The following RNF8 variants were observed in gnomAD, a reference collection of about 807,000 sequenced individuals.
RNF8 encodes the protein ring finger protein 8, also known as E3 ubiquitin-protein ligase RNF8.
In RNF8, 8 loss-of-function variants were observed where a neutral mutation model predicts 59.3. The observed-to-expected ratio is 0.13, with a 90% CI of 0.08 to 0.24. The LOEUF is 0.24. RNF8 is among the 10% of genes least tolerant of loss of function. The pLI is 1.00. For missense variants in RNF8, 406 were observed against 572.6 expected, an observed-to-expected ratio of 0.71 and a Z score of 2.97; for synonymous variants, 162 against 200.0, an observed-to-expected ratio of 0.81 and a Z score of 1.60.
At chr6:37,365,817 C>A (rs1477695533) in intron 2 of RNF8, among the ~76,000 whole-genome samples, 1 of 152,150 alleles carries the variant, frequency 6.6e-6, no homozygotes, top group African/African-American at 2.4e-5. Flanking sequence ...ATTATTTAAG[C>A]CATTGTATTT....
At position 37,368,517 on chromosome 6, in the gene RNF8, C is replaced by G. The variant is rs1769658341; in HGVS notation, c.274C>G (p.Leu92Val). ...TGGTGTTTGGCTGAACAGAGCGCGT[C>G]TGGAACCTTTAAGGGTCTATTCCAT... ...LNGVWLNRAR[L>V]EPLRVYSIHQ... The change falls in exon 3 of 8, where the codon CTG becomes GTG. Residue 92 changes from leucine to valine, a missense_variant. Coordinates refer to ENST00000373479, the MANE Select transcript of RNF8 (RefSeq NM_003958.4). The G allele has an allele frequency of 2.5e-6, 4 of 1,614,150 alleles. No individual in the cohort carries two copies. The highest frequency in any genetic ancestry group is 3.4e-6 in the Non-Finnish European group (4 of 1,180,014).
At chr6:37,379,908 T>A (rs1770182588) in intron 6 of RNF8, among the ~76,000 whole-genome samples, 1 of 152,024 alleles carries the variant, frequency 6.6e-6, no homozygotes, top group South Asian at 2.1e-4. Flanking sequence ...TATTGTTTGT[T>A]TTTGTTTGTT....
chr6:37,385,305 G>A (rs1037095509), intron 7 of RNF8, among the ~76,000 whole-genome samples: 3 of 150,988 alleles, frequency 2.0e-5, no homozygotes, highest in South Asian at 2.1e-4. Context: ...GAGCCACCGC[G>A]CCTGGCTCTT....
At chr6:37,364,143 C>T (rs1769450733) in intron 2 of RNF8, among the ~76,000 whole-genome samples, 1 of 135,024 alleles carries the variant, frequency 7.4e-6, no homozygotes, top group South Asian at 2.3e-4. Flanking sequence ...CAGGCCATTG[C>T]ACTCCAGCCT....
chr6:37,356,234 T>C (rs546773789), intron 1 of RNF8, among the ~76,000 whole-genome samples: 1 of 152,346 alleles, frequency 6.6e-6, no homozygotes, highest in African/African-American at 2.4e-5. Context: ...GACCTGTGTG[T>C]AGGAGAAGCC....
intron 1 of RNF8, among the ~76,000 whole-genome samples, chr6:37,358,582 G>A (rs1428700128): frequency 6.6e-6 from 1 of 152,152 alleles, no homozygotes; most frequent in Non-Finnish European, 1.5e-5. Flanking sequence ...GTTATGGGTT[G>A]AGTAGTTGGT....
rs759475654 is a variant in RNF8 at position 37,360,498 on chromosome 6, G to T, written c.164G>T (p.Cys55Phe). The stretch of plus-strand genomic sequence containing the variant: ...ACATACCAACTGGTATCAAAAATCT[G>T]CCCCCTGATGATTTCTCGAAACCAC... ...GVTYQLVSKI[C>F]PLMISRNHCV... The change falls in exon 2 of 8, where the codon TGC becomes TTC. Residue 55 changes from cysteine to phenylalanine, a missense_variant. Physicochemically the swap from Cys to Phe is radical, Grantham distance 205. Transcript: ENST00000373479. The surrounding 1 kb of genome is among the most constrained non-coding windows in gnomAD (Gnocchi z 4.2). 8 of 1,613,978 alleles carry T rather than the reference G, an allele frequency of 5.0e-6. No homozygotes were observed. Among genetic ancestry groups the T allele is most frequent in the Middle Eastern group, 1.7e-4 (1 of 6,060 alleles).
rs1226070498 is a variant in RNF8, at chr6:37,354,041, G to C, written c.-124G>C. 7.2e-6 allele frequency: 6 copies of C among 829,196 alleles called. No homozygotes were observed. Among genetic ancestry groups the C allele is most frequent in the Non-Finnish European group, 1.2e-5 (6 of 510,002 alleles). 51.4% of individuals were successfully genotyped at this position (829,196 alleles called of 1,614,324 possible). ...AGCGGAGCCTGCTTTCGCAGCGATC[G>C]CGAGCGTGTGGCGATTGCTTCTGTC... On this transcript the variant is annotated 5_prime_UTR_variant, in exon 1 of 8. Transcript: ENST00000373479.
intron 1 of RNF8, among the ~76,000 whole-genome samples, chr6:37,355,156 T>C (rs538678771): frequency 1.3e-5 from 2 of 151,990 alleles, no homozygotes; most frequent in Non-Finnish European, 2.9e-5. Context: ...TGGTGCATCT[T>C]GAAAAGACGA....
At chr6:37,362,366 A>G (rs1390697030) in intron 2 of RNF8, among the ~76,000 whole-genome samples, 4 of 152,004 alleles carry the variant, frequency 2.6e-5, no homozygotes, top group African/African-American at 4.8e-5. Flanking sequence ...CTCCGGGCTC[A>G]CTCTCCAGTG....
intron 1 of RNF8, among the ~76,000 whole-genome samples, chr6:37,355,444 A>G (rs1357328706): frequency 1.3e-5 from 2 of 152,196 alleles, no homozygotes; most frequent in Non-Finnish European, 2.9e-5. Context: ...AATGAGGACA[A>G]ATAAAATTTC....
intron 5 of RNF8, among the ~76,000 whole-genome samples, chr6:37,375,545 C>G (rs1219248860): frequency 1.3e-5 from 2 of 152,132 alleles, no homozygotes; most frequent in Non-Finnish European, 2.9e-5. Context: ...CCTCCATGTA[C>G]CAACCTAGAA....
At chr6:37,377,476 T>C (rs920279318) in intron 6 of RNF8, among the ~76,000 whole-genome samples, 1 of 152,190 alleles carries the variant, frequency 6.6e-6, no homozygotes, top group African/African-American at 2.4e-5. Context: ...CAGGAACTTA[T>C]AACTATTTGA....
At chr6:37,381,401 C>A in intron 7 of RNF8, 47 bp downstream of exon 7, 1 of 1,508,090 alleles carries the variant, frequency 6.6e-7, no homozygotes, top group Non-Finnish European at 9.1e-7. Flanking sequence ...GACTTATTTA[C>A]TTCCAAACTT....
At chr6:37,382,086 C>T (rs898539894) in intron 7 of RNF8, among the ~76,000 whole-genome samples, 3 of 152,148 alleles carry the variant, frequency 2.0e-5, no homozygotes, top group Non-Finnish European at 4.4e-5. Context: ...TCCCATCACT[C>T]CATAAGCATT....
At position 37,361,984 on chromosome 6, in the gene RNF8, C is replaced by G. The variant is rs143895368; in HGVS notation, c.240+1410C>G. The stretch of plus-strand genomic sequence containing the variant: ...CCAGGACTTAAGTTTCTCTGCTATG[C>G]CCTGTGTCAAGTATCAGTAAAGTAT... On this transcript the variant is annotated intron_variant, in intron 2 of 7. Transcript: ENST00000373479. Among the ~76,000 whole-genome samples the G allele has an allele frequency of 3.0e-4, 46 of 152,262 alleles. No individual in the cohort carries two copies. In the East Asian group the frequency reaches 8.3e-3, roughly 27 times the overall value.
At chr6:37,364,178 CAA>C (rs35915593) in intron 2 of RNF8, among the ~76,000 whole-genome samples, 7 of 82,274 alleles carry the variant, frequency 8.5e-5, no homozygotes, top group Non-Finnish European at 9.4e-5. Context: ...GACTCTGTCT[CAA>C]AAAAAAAAAA....
At chr6:37,371,099 A>G (rs150233668) in intron 3 of RNF8, among the ~76,000 whole-genome samples, 71 of 152,272 alleles carry the variant, frequency 4.7e-4, no homozygotes, top group Non-Finnish European at 1.0e-3. Context: ...ATGAGAGACA[A>G]GATGGCCAGA....
At position 37,354,201 on chromosome 6, in the gene RNF8, G is replaced by A; in HGVS notation, c.37G>A (p.Ala13Thr). The A allele has an allele frequency of 1.3e-6, 2 of 1,586,940 alleles. No homozygotes were observed. ...EPGFFVTGDR[A>T]GGRSWCLRRV... is the part of the protein sequence containing the mutation. Reference sequence around the variant, plus strand: ...CGGCTTCTTCGTCACAGGAGACCGCGCCGGTGGCCGGAGCTGGTGCCTGCG... The same window carrying A: ...CGGCTTCTTCGTCACAGGAGACCGCACCGGTGGCCGGAGCTGGTGCCTGCG... Residue 13 changes from alanine to threonine, a missense_variant, in exon 1 of 8, where the codon GCC becomes ACC. Physicochemically the swap from Ala to Thr is moderately conservative, Grantham distance 58. Coordinates refer to ENST00000373479, the MANE Select transcript of RNF8 (RefSeq NM_003958.4).
Sources: allele counts gnomAD v4.1 joint callset (sites outside exome capture counted in the v4.1 genomes callset), GRCh38; gene constraint gnomAD v4.1.1; non-coding constraint Gnocchi (gnomAD v3.1); transcripts MANE v1.5; gene names NCBI Gene and HGNC (gene_info 2026-07-23, HGNC 2026-07-21).